CCDC60: variants seen among roughly 807,000 people sequenced by gnomAD.
CCDC60 encodes the protein coiled-coil domain containing 60, also known as coiled-coil domain-containing protein 60.
In CCDC60, 54 loss-of-function variants were observed where a neutral mutation model predicts 63.5. That is an observed-to-expected ratio of 0.85 (90% CI 0.68 to 1.07). The LOEUF (loss-of-function observed/expected upper bound fraction) is 1.07. Ranked by LOEUF, CCDC60 falls within the 50% of genes least tolerant of loss-of-function variation. The pLI, the probability that CCDC60 is intolerant of heterozygous loss-of-function variation, is 0.00. For synonymous variants in CCDC60, 206 were observed against 238.8 expected (o/e 0.86, Z 1.27); for missense variants, 651 against 684.3 (o/e 0.95, Z 0.54).
chr12:119,533,228 G>T (rs569735883), intron 13 of CCDC60, among the ~76,000 whole-genome samples: 5 of 152,128 alleles, frequency 3.3e-5, no homozygotes, highest in African/African-American at 1.2e-4. Flanking sequence ...TTTGAGAAGT[G>T]TCTATTCATA....
intron 13 of CCDC60, among the ~76,000 whole-genome samples, chr12:119,540,373 C>G (rs1352912144): frequency 6.6e-6 from 1 of 152,162 alleles, no homozygotes; most frequent in African/African-American, 2.4e-5. Flanking sequence ...CCCAAATTTC[C>G]TTGCATCGAT....
At chr12:119,423,790 C>T (rs1345975075) in intron 1 of CCDC60, among the ~76,000 whole-genome samples, 2 of 152,158 alleles carry the variant, frequency 1.3e-5, no homozygotes, top group Non-Finnish European at 2.9e-5. Flanking sequence ...GTATTAAATT[C>T]CCTTTGTTGA....
intron 7 of CCDC60, among the ~76,000 whole-genome samples, chr12:119,507,213 G>A (rs1274569530): frequency 6.6e-6 from 1 of 151,980 alleles, no homozygotes; most frequent in Non-Finnish European, 1.5e-5. Flanking sequence ...GTTCAAAGAT[G>A]GAAGTGAGCA....
chr12:119,438,455 T>A (rs1277142675), intron 2 of CCDC60, among the ~76,000 whole-genome samples: 1 of 152,200 alleles, frequency 6.6e-6, no homozygotes, highest in Middle Eastern at 3.2e-3. Flanking sequence ...CAGAGCATAG[T>A]CAAAAGTCTT....
At chr12:119,433,419 GA>G in intron 2 of CCDC60, 1 of 700,376 alleles carries the variant, frequency 1.4e-6, no homozygotes, top group Non-Finnish European at 2.6e-6. Context: ...GGAGAATGGG[GA>G]AAAGGCCAAA....
intron 2 of CCDC60, among the ~76,000 whole-genome samples, chr12:119,469,449 G>C (rs577934738): frequency 1.5e-4 from 23 of 152,224 alleles, no homozygotes; most frequent in Admixed American, 1.4e-3. Flanking sequence ...CAGTAGAAAT[G>C]GGGTTTCATC....
chr12:119,496,618 C>A (rs1287380681), intron 5 of CCDC60, among the ~76,000 whole-genome samples: 1 of 152,164 alleles, frequency 6.6e-6, no homozygotes, highest in African/African-American at 2.4e-5. Flanking sequence ...ACACAGCACC[C>A]ATGAAGCCCT....
At chr12:119,473,635 T>C (rs529168657) in intron 3 of CCDC60, among the ~76,000 whole-genome samples, 26 of 151,980 alleles carry the variant, frequency 1.7e-4, no homozygotes, top group Non-Finnish European at 3.7e-4. Flanking sequence ...GTCCCCAGAG[T>C]CCATTATATC....
intron 1 of CCDC60, among the ~76,000 whole-genome samples, chr12:119,414,612 G>A (rs1457117206): frequency 6.6e-6 from 1 of 151,984 alleles, no homozygotes; most frequent in African/African-American, 2.4e-5. Flanking sequence ...GTGCAATGGT[G>A]CAATCATAGC....
At chr12:119,534,698 G>A (rs539500004) in intron 13 of CCDC60, among the ~76,000 whole-genome samples, 29 of 152,294 alleles carry the variant, frequency 1.9e-4, no homozygotes, top group Non-Finnish European at 3.2e-4. Flanking sequence ...CGATGGTTCT[G>A]TTTATGTGAT....
chr12:119,520,303 G>A (rs1952489421), intron 9 of CCDC60, 111 bp downstream of exon 9: 2 of 913,064 alleles, frequency 2.2e-6, no homozygotes, highest in South Asian at 3.3e-5. Flanking sequence ...AGGAAAGAGG[G>A]AACTTTTTCC....
At chr12:119,422,160 C>T (rs1358351) in intron 1 of CCDC60, among the ~76,000 whole-genome samples, 61,842 of 151,978 alleles carry the variant, frequency 0.41, 12,741 homozygotes, top group South Asian at 0.64. Flanking sequence ...AAACAAAGAA[C>T]GGAGTCATCA....
intron 2 of CCDC60, among the ~76,000 whole-genome samples, chr12:119,466,778 T>C (rs766312025): frequency 1.6e-4 from 24 of 152,216 alleles, no homozygotes; most frequent in Non-Finnish European, 2.8e-4. Context: ...AATCTAGTTA[T>C]GTGAGTAATA....
chr12:119,476,839 A>G (rs1951187466), intron 3 of CCDC60, among the ~76,000 whole-genome samples: 1 of 152,136 alleles, frequency 6.6e-6, no homozygotes, highest in South Asian at 2.1e-4. Context: ...GAGTCTTTAC[A>G]CATGCTGTTC....
At chr12:119,390,700 C>T (rs1283240489) in intron 1 of CCDC60, among the ~76,000 whole-genome samples, 1 of 152,196 alleles carries the variant, frequency 6.6e-6, no homozygotes, top group East Asian at 1.9e-4. Flanking sequence ...GATTTGAATT[C>T]AGCAGCTCGG....
intron 5 of CCDC60, among the ~76,000 whole-genome samples, chr12:119,496,420 C>T (rs1370389091): frequency 6.6e-6 from 1 of 152,154 alleles, no homozygotes; most frequent in African/African-American, 2.4e-5. Context: ...TGATTTCTGG[C>T]AAATAGGATC....
In CCDC60 at chr12:119,335,185, G is replaced by A; in HGVS notation, c.9G>A (p.Lys3=). The A allele has an allele frequency of 6.2e-7, 1 of 1,605,462 alleles. No homozygotes were observed. Among genetic ancestry groups the A allele is most frequent in the Non-Finnish European group, 8.5e-7 (1 of 1,176,686 alleles). The change falls in exon 1 of 14, where the codon AAG becomes AAA. Residue 3 remains lysine (K), a synonymous_variant. Coordinates refer to ENST00000327554, the MANE Select transcript of CCDC60 (RefSeq NM_178499.5). ...CCTGAAGGATTTTTAAGATGACCAA[G>A]GTTCCAGCCACCAAGAAGCTTCAGA... The part of the protein sequence containing the change: MT[K]VPATKKLQSS...
At chr12:119,532,396 CTATTATTATTAT>C (rs71451846) in intron 13 of CCDC60, among the ~76,000 whole-genome samples, 361 of 142,320 alleles carry the variant, frequency 2.5e-3, no homozygotes, top group African/African-American at 8.7e-3. Context: ...CATCACAGAA[CTATTATTATTAT>C]TATTATTATT....
At chr12:119,459,169 T>C (rs804401) in intron 2 of CCDC60, among the ~76,000 whole-genome samples, 68,287 of 152,026 alleles carry the variant, frequency 0.45, 15,628 homozygotes, top group South Asian at 0.65. Flanking sequence ...AAGATTTTTT[T>C]TCTGGAAAGA....
Sources: allele counts gnomAD v4.1 joint callset (sites outside exome capture counted in the v4.1 genomes callset), GRCh38; gene constraint gnomAD v4.1.1; transcripts MANE v1.5; gene names NCBI Gene and HGNC (gene_info 2026-07-23, HGNC 2026-07-21).